KCNMB2: variants seen among roughly 807,000 people sequenced by gnomAD.
KCNMB2 encodes potassium calcium-activated channel subfamily M regulatory beta subunit 2, also known as calcium-activated potassium channel subunit beta-2.
In KCNMB2, 9 loss-of-function variants were observed where a neutral mutation model predicts 24.5. The ratio of observed to expected loss-of-function variants is 0.37; its 90% CI spans 0.22 to 0.64. The LOEUF is 0.64. Among genes scored for constraint, KCNMB2 ranks in the 30% least tolerant of loss-of-function variants. KCNMB2 has a pLI of 0.63. For synonymous variants in KCNMB2, 109 were observed against 104.4 expected, an observed-to-expected ratio of 1.04 and a Z score of -0.27; for missense variants, 226 against 284.3, an observed-to-expected ratio of 0.79 and a Z score of 1.47.
chr3:178,840,192 T>C (rs1240104723), intron 4 of KCNMB2, among the ~76,000 whole-genome samples: 1 of 152,140 alleles, frequency 6.6e-6, no homozygotes, highest in Non-Finnish European at 1.5e-5. Flanking sequence ...AGTTCCAAAA[T>C]AATCTCCTTT....
chr3:178,838,789 A>G (rs1484622798), intron 4 of KCNMB2, among the ~76,000 whole-genome samples: 3 of 152,232 alleles, frequency 2.0e-5, no homozygotes. Context: ...GTCTCTGCAT[A>G]TAGTCATGGA....
chr3:178,660,025 G>A (rs926354856), intron 1 of KCNMB2, among the ~76,000 whole-genome samples: 1 of 152,102 alleles, frequency 6.6e-6, no homozygotes, highest in African/African-American at 2.4e-5. Context: ...CTGAGTGCTA[G>A]TCTCTATATC....
chr3:178,709,928 A>G (rs6443567), intron 1 of KCNMB2, among the ~76,000 whole-genome samples: 52,568 of 151,904 alleles, frequency 0.35, 9,238 homozygotes, highest in East Asian at 0.45. Flanking sequence ...TCCCTGTGCA[A>G]AATATAGTTA....
intron 4 of KCNMB2, 146 bp from the exon 5 acceptor site, chr3:178,842,507 T>A: frequency 1.7e-6 from 1 of 588,810 alleles, no homozygotes; most frequent in South Asian, 2.4e-5. Context: ...TTTATTAGGG[T>A]TTCCAAAGGC....
At position 178,618,766 on chromosome 3, in the gene KCNMB2, T is replaced by C. The variant is rs1244239986; in HGVS notation, c.-68+82055T>C. 5.9e-5 allele frequency among the ~76,000 whole-genome samples: 9 copies of C among 152,318 alleles called. No individual in the cohort carries two copies. The South Asian group carries it at 6.2e-4, about 11-fold the overall frequency. Reference sequence around the variant, plus strand: ...ATTCTCTTGTGAATTTAGCCTCAGATAGAGGAGAGGCTAAGAGAATTTAAA... The same window carrying C: ...ATTCTCTTGTGAATTTAGCCTCAGACAGAGGAGAGGCTAAGAGAATTTAAA... On this transcript the variant is annotated intron_variant, in intron 1 of 4. Transcript: ENST00000452583.
chr3:178,837,796 A>G (rs1200710254), intron 4 of KCNMB2, among the ~76,000 whole-genome samples: 4 of 152,142 alleles, frequency 2.6e-5, no homozygotes, highest in Admixed American at 1.3e-4. Flanking sequence ...GTTCTGCCAG[A>G]TGTTCTCAGT....
At chr3:178,613,112 G>T (rs145965631) in intron 1 of KCNMB2, among the ~76,000 whole-genome samples, 1,623 of 152,260 alleles carry the variant, frequency 0.011, 13 homozygotes, top group Admixed American at 0.025. Context: ...ACAAAGAGTT[G>T]TTAGGCTGAG....
At chr3:178,537,635 C>A (rs552647903) in intron 1 of KCNMB2, among the ~76,000 whole-genome samples, 2 of 152,138 alleles carry the variant, frequency 1.3e-5, no homozygotes, top group Non-Finnish European at 2.9e-5. Context: ...CAGGAAATCA[C>A]AGGCTGAGAT....
chr3:178,597,516 G>A (rs1427477590), intron 1 of KCNMB2, among the ~76,000 whole-genome samples: 3 of 152,088 alleles, frequency 2.0e-5, no homozygotes, highest in South Asian at 2.1e-4. Context: ...GCACAGCTAG[G>A]CCCATTGAAT....
intron 1 of KCNMB2, among the ~76,000 whole-genome samples, chr3:178,601,436 G>C (rs913784478): frequency 2.6e-5 from 4 of 152,162 alleles, no homozygotes; most frequent in African/African-American, 9.6e-5. Flanking sequence ...TCTTTTTAAT[G>C]AATGTGGCCC....
At chr3:178,762,826 A>G (rs1229713896) in intron 1 of KCNMB2, among the ~76,000 whole-genome samples, 1 of 150,418 alleles carries the variant, frequency 6.6e-6, no homozygotes, top group African/African-American at 2.5e-5. Flanking sequence ...AACTGAGTAG[A>G]TTGTATGATC....
intron 1 of KCNMB2, among the ~76,000 whole-genome samples, chr3:178,639,806 TACA>T (rs2108547318): frequency 6.6e-6 from 1 of 152,384 alleles, no homozygotes; most frequent in South Asian, 2.1e-4. Context: ...TGTGGTTCTA[TACA>T]ACATCAGAAG....
intron 1 of KCNMB2, among the ~76,000 whole-genome samples, chr3:178,784,581 A>G (rs1156490845): frequency 6.6e-6 from 1 of 152,250 alleles, no homozygotes; most frequent in East Asian, 1.9e-4. Context: ...TTCTGAAAGC[A>G]TAGATTTTTT....
chr3:178,569,776 A>G (rs1306064644), intron 1 of KCNMB2, among the ~76,000 whole-genome samples: 4 of 152,232 alleles, frequency 2.6e-5, no homozygotes, highest in African/African-American at 9.6e-5. Context: ...GAAAGAGTTA[A>G]AAGTCAGCCC....
At chr3:178,831,323 A>G (rs1197758651) in intron 4 of KCNMB2, among the ~76,000 whole-genome samples, 2 of 152,190 alleles carry the variant, frequency 1.3e-5, no homozygotes, top group Non-Finnish European at 2.9e-5. Flanking sequence ...TGGGAAAGTA[A>G]ACTGGTTCAG....
intron 1 of KCNMB2, among the ~76,000 whole-genome samples, chr3:178,773,108 G>A (rs1712441019): frequency 1.3e-5 from 2 of 152,112 alleles, no homozygotes; most frequent in South Asian, 4.2e-4. Context: ...GGGCATTCTG[G>A]GGTCCCTGGC....
intron 1 of KCNMB2, among the ~76,000 whole-genome samples, chr3:178,609,292 A>G (rs1718391382): frequency 6.6e-6 from 1 of 152,042 alleles, no homozygotes; most frequent in Admixed American, 6.6e-5. Flanking sequence ...ACTTCTTTTG[A>G]GAAATGTCTA....
intron 1 of KCNMB2, among the ~76,000 whole-genome samples, chr3:178,775,835 TG>T (rs1712556473): frequency 6.6e-6 from 1 of 152,172 alleles, no homozygotes; most frequent in African/African-American, 2.4e-5. Flanking sequence ...AAAGCTAAAC[TG>T]CAGCACTCTC....
chr3:178,779,814 T>C (rs1402409001), intron 1 of KCNMB2, among the ~76,000 whole-genome samples: 2 of 152,258 alleles, frequency 1.3e-5, no homozygotes, highest in African/African-American at 4.8e-5. Flanking sequence ...CTCAGTACAT[T>C]AACCCATTAT....
Sources: gnomAD v4.1 joint callset for allele counts (sites outside exome capture counted in the v4.1 genomes callset) on GRCh38, gnomAD v4.1.1 for gene constraint, MANE v1.5 for transcripts, NCBI Gene and HGNC (gene_info 2026-07-23, HGNC 2026-07-21) for gene names.